ILRUN: variants seen among roughly 807,000 people sequenced by gnomAD.
ILRUN encodes the protein protein ILRUN.
In ILRUN, 3 loss-of-function variants were observed where a neutral mutation model predicts 33.8. The ratio of observed to expected loss-of-function variants is 0.09; its 90% CI spans 0.04 to 0.23. ILRUN has a LOEUF of 0.23. Ranked by LOEUF, ILRUN falls within the 10% of genes least tolerant of loss-of-function variation. The pLI is 1.00. For synonymous variants in ILRUN, 124 were observed against 138.9 expected, an observed-to-expected ratio of 0.89 and a Z score of 0.75; for missense variants, 210 against 375.1, an observed-to-expected ratio of 0.56 and a Z score of 3.64.
intron 4 of ILRUN, among the ~76,000 whole-genome samples, chr6:34,591,330 A>C (rs1464681597): frequency 6.6e-6 from 1 of 152,026 alleles, no homozygotes; most frequent in African/African-American, 2.4e-5. Context: ...ACCCCTATAA[A>C]AATTTTTTTA....
intron 4 of ILRUN, among the ~76,000 whole-genome samples, chr6:34,593,934 G>A (rs1257017797): frequency 3.9e-5 from 6 of 152,124 alleles, no homozygotes. Context: ...AGGCCAAGCA[G>A]GAAGACCATC....
At chr6:34,662,605 C>G (rs529942656) in intron 1 of ILRUN, among the ~76,000 whole-genome samples, 14 of 152,222 alleles carry the variant, frequency 9.2e-5, no homozygotes, top group African/African-American at 3.1e-4. Context: ...TACGGATGAA[C>G]CTTGAGGATT....
chr6:34,660,790 A>C (rs747401651), intron 1 of ILRUN, among the ~76,000 whole-genome samples: 5 of 152,218 alleles, frequency 3.3e-5, no homozygotes, highest in Non-Finnish European at 7.3e-5. Context: ...ACTTGTAACT[A>C]CTATGAATTT....
chr6:34,617,706 C>A (rs1339659756), intron 3 of ILRUN, among the ~76,000 whole-genome samples: 1 of 152,200 alleles, frequency 6.6e-6, no homozygotes, highest in African/African-American at 2.4e-5. Context: ...ACTCCGCATC[C>A]CTACCCATTC....
intron 1 of ILRUN, among the ~76,000 whole-genome samples, chr6:34,657,466 C>A (rs1429066707): frequency 5.3e-5 from 8 of 152,316 alleles, no homozygotes; most frequent in African/African-American, 1.9e-4. Context: ...TCCAACTTAT[C>A]CCACAGTCAA....
intron 4 of ILRUN, among the ~76,000 whole-genome samples, chr6:34,605,358 T>C (rs923210649): frequency 6.9e-6 from 1 of 144,188 alleles, no homozygotes; most frequent in Non-Finnish European, 1.5e-5. Flanking sequence ...CTGGGCGTGG[T>C]GGTTCACACC....
At chr6:34,688,792 GACA>G (rs139636955) in intron 1 of ILRUN, among the ~76,000 whole-genome samples, 9,482 of 151,312 alleles carry the variant, frequency 0.063, 495 homozygotes, top group East Asian at 0.32. Flanking sequence ...CAGCCTGGGC[GACA>G]ACAACAACAA....
rs1200511140 is a variant in ILRUN, at chr6:34,590,296, T to G, written c.*269A>C. On this transcript the variant is annotated 3_prime_UTR_variant, in exon 5 of 5. Coordinates refer to ENST00000374023, the MANE Select transcript of ILRUN (RefSeq NM_024294.4). ...CTTCCCGAGTGACCTAATGACTTGT[T>G]AGACTGATGCCTATAACAAAACCCA... The G allele has an allele frequency of 1.3e-5, 4 of 300,116 alleles. No homozygotes were observed. Among genetic ancestry groups the G allele is most frequent in the Non-Finnish European group, 2.5e-5 (4 of 159,652 alleles). The allele number at this position is 300,116 out of a possible 1,614,324, so 18.6% of individuals were successfully genotyped here.
chr6:34,674,181 C>T (rs1763180605), intron 1 of ILRUN, among the ~76,000 whole-genome samples: 1 of 152,188 alleles, frequency 6.6e-6, no homozygotes, highest in African/African-American at 2.4e-5. Context: ...CACACACCAC[C>T]ACACCCAGCT....
chr6:34,690,671 G>A (rs1763628435), intron 1 of ILRUN, among the ~76,000 whole-genome samples: 1 of 152,006 alleles, frequency 6.6e-6, no homozygotes, highest in Admixed American at 6.6e-5. Flanking sequence ...AAAACTTTTA[G>A]TAATTTCAAT....
At chr6:34,644,602 C>A (rs2814990) in intron 3 of ILRUN, among the ~76,000 whole-genome samples, 1 of 151,864 alleles carries the variant, frequency 6.6e-6, no homozygotes, top group African/African-American at 2.4e-5. Flanking sequence ...CATTTTGATA[C>A]GTGATTATTC....
intron 1 of ILRUN, among the ~76,000 whole-genome samples, chr6:34,674,506 T>G: frequency 6.6e-6 from 1 of 152,128 alleles, no homozygotes; most frequent in Admixed American, 6.5e-5. Context: ...TATCTCCCTG[T>G]GTAAAGTCAA....
At position 34,621,536 on chromosome 6, in the gene ILRUN, GA is replaced by G. The variant is rs933296268; in HGVS notation, c.512-14633del. 5.9e-5 allele frequency among the ~76,000 whole-genome samples: 9 copies of G among 152,178 alleles called. No individual in the cohort carries two copies. In the East Asian group the frequency reaches 1.7e-3, roughly 29 times the overall value. ...GAACAGTGAAAATAATTTTGAAAAAGAAGACTAACTTATTCCTGATGTCAAA... is the reference window on the plus strand; with the variant it reads ...GAACAGTGAAAATAATTTTGAAAAAGAGACTAACTTATTCCTGATGTCAAA... On this transcript the variant is annotated intron_variant, in intron 3 of 4. Transcript: ENST00000374023.
At chr6:34,600,975 C>G (rs1761495456) in intron 4 of ILRUN, among the ~76,000 whole-genome samples, 1 of 152,108 alleles carries the variant, frequency 6.6e-6, no homozygotes, top group Non-Finnish European at 1.5e-5. Flanking sequence ...TGACCTTGGG[C>G]AAATCACTGA....
At chr6:34,670,259 G>A (rs1444138918) in intron 1 of ILRUN, among the ~76,000 whole-genome samples, 3 of 152,158 alleles carry the variant, frequency 2.0e-5, no homozygotes, top group African/African-American at 7.2e-5. Flanking sequence ...GTTGCCCAAG[G>A]CTGGGGGGTG....
In ILRUN at chr6:34,638,526, C is replaced by A. The variant is rs541848230; in HGVS notation, c.511+8075G>T. 1.1e-4 allele frequency among the ~76,000 whole-genome samples: 16 copies of A among 151,928 alleles called. No homozygotes were observed. In the South Asian group the frequency reaches 3.3e-3, roughly 32 times the overall value. On this transcript the variant is annotated intron_variant, in intron 3 of 4. Coordinates refer to ENST00000374023, the MANE Select transcript of ILRUN (RefSeq NM_024294.4). ...CCTAGGAGTTCAAGACCAGCCTGGG[C>A]AACTTGGCAAAACCCCGTCTCTACA...
intron 3 of ILRUN, among the ~76,000 whole-genome samples, chr6:34,642,614 G>A (rs944022285): frequency 7.2e-5 from 11 of 152,190 alleles, no homozygotes; most frequent in Middle Eastern, 3.4e-3. Flanking sequence ...CCAGTCAAGA[G>A]CAAAGGTCAT....
At chr6:34,621,539 G>A (rs1382864724) in intron 3 of ILRUN, among the ~76,000 whole-genome samples, 2 of 152,080 alleles carry the variant, frequency 1.3e-5, no homozygotes, top group African/African-American at 4.8e-5. Flanking sequence ...TGAAAAAGAA[G>A]ACTAACTTAT....
chr6:34,677,999 G>GA (rs150422844), intron 1 of ILRUN, among the ~76,000 whole-genome samples: 2,468 of 150,172 alleles, frequency 0.016, 38 homozygotes, highest in Non-Finnish European at 0.025. Flanking sequence ...GCACCACTGT[G>GA]TCTGGCCTGA....
Sources: gnomAD v4.1 joint callset for allele counts (sites outside exome capture counted in the v4.1 genomes callset) on GRCh38, gnomAD v4.1.1 for gene constraint, MANE v1.5 for transcripts, NCBI Gene and HGNC (gene_info 2026-07-23, HGNC 2026-07-21) for gene names.